The following TBC1D19 variants were observed in gnomAD, a reference collection of about 807,000 sequenced individuals.
TBC1D19 encodes TBC1 domain family, member 19.
Under a neutral mutation model 89.0 loss-of-function variants are expected in TBC1D19, and 60 were observed. The observed-to-expected ratio is 0.67, with a 90% CI of 0.55 to 0.84. TBC1D19 has a LOEUF of 0.84. Ranked by LOEUF, TBC1D19 falls within the 40% of genes least tolerant of loss-of-function variation. TBC1D19 has a pLI of 0.00. For synonymous variants in TBC1D19, 189 were observed against 199.7 expected, an observed-to-expected ratio of 0.95 and a Z score of 0.45; for missense variants, 500 against 610.8, an observed-to-expected ratio of 0.82 and a Z score of 1.91.
chr4:26,696,863 G>A (rs1481898582), intron 13 of TBC1D19, among the ~76,000 whole-genome samples: 1 of 152,200 alleles, frequency 6.6e-6, no homozygotes, highest in Non-Finnish European at 1.5e-5. Context: ...AAAGCAGTGT[G>A]TAGAGGGAAA....
At chr4:26,636,734 C>G (rs111878721) in intron 4 of TBC1D19, among the ~76,000 whole-genome samples, 3,239 of 152,006 alleles carry the variant, frequency 0.021, 110 homozygotes, top group African/African-American at 0.073. Context: ...TGTCCTTATT[C>G]TAAGAATATG....
the TBC1D19 span, among the ~76,000 whole-genome samples, chr4:26,810,820 A>G: frequency 6.6e-6 from 1 of 152,306 alleles, no homozygotes; most frequent in African/African-American, 2.4e-5. Flanking sequence ...CAGGAACTCT[A>G]TCTTCAAATC....
chr4:26,740,220 A>G (rs1277204040), intron 17 of TBC1D19, among the ~76,000 whole-genome samples: 1 of 152,200 alleles, frequency 6.6e-6, no homozygotes, highest in African/African-American at 2.4e-5. Flanking sequence ...TACATATTAA[A>G]AAAATTAGAA....
chr4:26,720,155 G>A, intron 15 of TBC1D19, 30 bp downstream of exon 15: 1 of 1,533,280 alleles, frequency 6.5e-7, no homozygotes, highest in African/African-American at 1.4e-5. Flanking sequence ...TTCCTCTAGT[G>A]GGAAGTGAAA....
intron 1 of TBC1D19, among the ~76,000 whole-genome samples, chr4:26,594,442 T>TA (rs928288891): frequency 4.7e-5 from 7 of 150,076 alleles, no homozygotes; most frequent in Non-Finnish European, 8.9e-5. Context: ...AAGTATAATT[T>TA]AAAAAAAAAA....
the TBC1D19 span, among the ~76,000 whole-genome samples, chr4:26,827,273 C>T: frequency 6.6e-6 from 1 of 152,222 alleles, no homozygotes; most frequent in African/African-American, 2.4e-5. Flanking sequence ...TTTCAGGAAT[C>T]TCTCTTCTTC....
chr4:26,611,947 A>G (rs1741402926), intron 1 of TBC1D19, among the ~76,000 whole-genome samples: 1 of 152,012 alleles, frequency 6.6e-6, no homozygotes, highest in Non-Finnish European at 1.5e-5. Context: ...TCACCTGGCT[A>G]TATTTGAATT....
the TBC1D19 span, among the ~76,000 whole-genome samples, chr4:26,780,596 GCTAGCAAGTAGCCAGCTAC>G: frequency 2.6e-5 from 4 of 152,222 alleles, no homozygotes; most frequent in Non-Finnish European, 5.9e-5. Flanking sequence ...CAGTGTCCCA[GCTAGCAAGTAGCCAGCTAC>G]CCACAGTGCA....
chr4:26,746,891 A>G (rs1718680391), intron 18 of TBC1D19, among the ~76,000 whole-genome samples: 1 of 152,224 alleles, frequency 6.6e-6, no homozygotes, highest in South Asian at 2.1e-4. Context: ...ATACCAGGAC[A>G]GTCAACCTGA....
chr4:26,822,187 A>G, the TBC1D19 span, among the ~76,000 whole-genome samples: 1 of 152,172 alleles, frequency 6.6e-6, no homozygotes, highest in African/African-American at 2.4e-5. Flanking sequence ...TCTGGCAGAG[A>G]CACATTTATT....
chr4:26,679,159 AG>A (rs1713108581), intron 11 of TBC1D19, among the ~76,000 whole-genome samples: 1 of 152,214 alleles, frequency 6.6e-6, no homozygotes, highest in African/African-American at 2.4e-5. Context: ...AAATGCCTCC[AG>A]GGCATGTCAG....
the TBC1D19 span, among the ~76,000 whole-genome samples, chr4:26,842,583 CCTTTCTTT>C: frequency 0.047 from 3,293 of 70,414 alleles, 78 homozygotes; most frequent in African/African-American, 0.059. Context: ...TTCCTCCCTC[CCTTTCTTT>C]CTTTCTTTCT....
At chr4:26,789,400 A>G in the TBC1D19 span, among the ~76,000 whole-genome samples, 2 of 152,234 alleles carry the variant, frequency 1.3e-5, no homozygotes, top group African/African-American at 4.8e-5. Flanking sequence ...TGGGCAAAGG[A>G]CATGAACAGA....
intron 1 of TBC1D19, among the ~76,000 whole-genome samples, chr4:26,597,504 C>CCAGACTG (rs1740299591): frequency 6.7e-6 from 1 of 149,640 alleles, no homozygotes; most frequent in Non-Finnish European, 1.5e-5. Context: ...TCTTAAAAAT[C>CCAGACTG]CAGACTGACA....
chr4:26,754,290 T>C (rs1256128233), intron 20 of TBC1D19: 1 of 162,568 alleles, frequency 6.2e-6, no homozygotes, highest in Non-Finnish European at 1.3e-5. Flanking sequence ...ATGGGCTTTT[T>C]TGGTTATTTT....
the TBC1D19 span, among the ~76,000 whole-genome samples, chr4:26,852,209 C>T: frequency 1.3e-5 from 2 of 152,196 alleles, no homozygotes; most frequent in African/African-American, 2.4e-5. Context: ...GTAAACATTT[C>T]GTTGTTATCC....
chr4:26,763,523 A>C, the TBC1D19 span, among the ~76,000 whole-genome samples: 1 of 152,194 alleles, frequency 6.6e-6, no homozygotes, highest in African/African-American at 2.4e-5. Flanking sequence ...CCCCGCCTTG[A>C]GTTGTCCCGC....
chr4:26,698,638 C>T (rs530592581), intron 13 of TBC1D19, among the ~76,000 whole-genome samples: 22 of 152,188 alleles, frequency 1.4e-4, no homozygotes, highest in Non-Finnish European at 2.8e-4. Flanking sequence ...GTAACCAAAA[C>T]AGCATGGTAC....
At chr4:26,668,986 T>TACAC (rs3839171) in intron 9 of TBC1D19, among the ~76,000 whole-genome samples, 2,173 of 146,992 alleles carry the variant, frequency 0.015, 67 homozygotes, top group African/African-American at 0.05. Context: ...TTTAAATACA[T>TACAC]ACACACACAC....
Sources: allele counts gnomAD v4.1 joint callset (sites outside exome capture counted in the v4.1 genomes callset), GRCh38; gene constraint gnomAD v4.1.1; transcripts MANE v1.5; gene names NCBI Gene and HGNC (gene_info 2026-07-23, HGNC 2026-07-21).